Variants in CSMD1 observed in about 807,000 individuals in gnomAD.
CSMD1 encodes the protein CUB and Sushi multiple domains 1, also known as CUB and sushi domain-containing protein 1.
Under a neutral mutation model 417.5 loss-of-function variants are expected in CSMD1, and 213 were observed. That is an observed-to-expected ratio of 0.51 (90% CI 0.46 to 0.57). The LOEUF is 0.57. CSMD1 is among the 20% of genes least tolerant of loss of function. CSMD1 has a pLI of 0.00. For synonymous variants in CSMD1, 2,862 were observed against 1,736.8 expected (o/e 1.65, Z -16.11); for missense variants, 6,923 against 4,529.7 (o/e 1.53, Z -15.17).
chr8:4,049,975 C>A (rs188962053), intron 3 of CSMD1, among the ~76,000 whole-genome samples: 23 of 152,312 alleles, frequency 1.5e-4, no homozygotes, highest in Admixed American at 1.2e-3. Context: ...CTGGCTGGGG[C>A]AGCTTCTCGG....
intron 3 of CSMD1, among the ~76,000 whole-genome samples, chr8:4,086,375 A>G (rs886163831): frequency 2.0e-5 from 3 of 152,218 alleles, no homozygotes; most frequent in African/African-American, 7.2e-5. Context: ...TTTGAAAGCA[A>G]AACAAAATTC....
intron 3 of CSMD1, among the ~76,000 whole-genome samples, chr8:4,181,783 G>C (rs767286677): frequency 5.3e-5 from 8 of 152,036 alleles, no homozygotes; most frequent in African/African-American, 1.4e-4. Context: ...ACGTATTAAC[G>C]ATTTAGGTGA....
chr8:3,922,782 G>A (rs1809366852), intron 5 of CSMD1, among the ~76,000 whole-genome samples: 1 of 151,880 alleles, frequency 6.6e-6, no homozygotes, highest in Non-Finnish European at 1.5e-5. Flanking sequence ...ACATTTGTCT[G>A]TACTTTTAAA....
At chr8:4,245,630 C>T (rs1040117010) in intron 3 of CSMD1, among the ~76,000 whole-genome samples, 2 of 152,108 alleles carry the variant, frequency 1.3e-5, no homozygotes, top group African/African-American at 4.8e-5. Flanking sequence ...CATAATCAAA[C>T]CAAGGAAATC....
chr8:3,318,123 T>C (rs965482858), intron 23 of CSMD1, among the ~76,000 whole-genome samples: 1 of 152,236 alleles, frequency 6.6e-6, no homozygotes, highest in Non-Finnish European at 1.5e-5. Context: ...TTATTTTTAA[T>C]TATGATTTCT....
At chr8:4,245,450 A>C (rs556547723) in intron 3 of CSMD1, among the ~76,000 whole-genome samples, 1 of 152,250 alleles carries the variant, frequency 6.6e-6, no homozygotes, top group African/African-American at 2.4e-5. Context: ...TGCTCAACAC[A>C]ATCACGAGAC....
intron 1 of CSMD1, among the ~76,000 whole-genome samples, chr8:4,884,485 T>G (rs1252135910): frequency 6.6e-6 from 1 of 152,042 alleles, no homozygotes; most frequent in East Asian, 1.9e-4. Flanking sequence ...ATGCCTGTGT[T>G]TTCTTTGTAA....
At chr8:3,866,928 C>A (rs1036205531) in intron 5 of CSMD1, among the ~76,000 whole-genome samples, 2 of 152,290 alleles carry the variant, frequency 1.3e-5, no homozygotes, top group South Asian at 2.1e-4. Context: ...TGGACATATG[C>A]ATGTATGGAT....
At chr8:3,177,112 G>C (rs938470528) in intron 37 of CSMD1, among the ~76,000 whole-genome samples, 1 of 152,144 alleles carries the variant, frequency 6.6e-6, no homozygotes, top group African/African-American at 2.4e-5. Flanking sequence ...AACTCCCCCA[G>C]AAGAGACGAG....
chr8:3,992,748 T>C (rs1258888108), intron 5 of CSMD1, among the ~76,000 whole-genome samples: 3 of 152,202 alleles, frequency 2.0e-5, no homozygotes, highest in African/African-American at 7.2e-5. Flanking sequence ...ACCACTGTAC[T>C]CCACACTGGG....
In CSMD1 at chr8:3,207,287, CT is replaced by C. The variant is rs1248376840; in HGVS notation, c.4868-1668del. 3.2e-3 allele frequency among the ~76,000 whole-genome samples: 478 copies of C among 150,178 alleles called. 5 individuals carry two copies. Among genetic ancestry groups the C allele is most frequent in the African/African-American group, 0.011 (446 of 40,942 alleles). On this transcript the variant is annotated intron_variant, in intron 30 of 69. Coordinates refer to ENST00000635120, the MANE Select transcript of CSMD1 (RefSeq NM_033225.6). ...TCAGCCTCCCGAGTAGCTGCAATTA[CT>C]CGGCGCCCGCCAACACACCTGGCTG...
intron 3 of CSMD1, among the ~76,000 whole-genome samples, chr8:4,259,742 T>C (rs1585114819): frequency 6.6e-6 from 1 of 152,072 alleles, no homozygotes; most frequent in South Asian, 2.1e-4. Context: ...CACATACACA[T>C]GTATTTCATA....
At chr8:2,960,951 T>G (rs966008736) in intron 62 of CSMD1, among the ~76,000 whole-genome samples, 190 bp downstream of exon 62, 1 of 99,506 alleles carries the variant, frequency 1.0e-5, no homozygotes, top group African/African-American at 6.1e-5. Context: ...TATATATATA[T>G]ATATATATAT....
At chr8:4,799,771 T>G (rs1443773452) in intron 1 of CSMD1, among the ~76,000 whole-genome samples, 1 of 151,976 alleles carries the variant, frequency 6.6e-6, no homozygotes, top group Non-Finnish European at 1.5e-5. Flanking sequence ...AAATTTTACG[T>G]ATAGGAATGT....
intron 5 of CSMD1, among the ~76,000 whole-genome samples, chr8:3,775,367 A>G (rs988822085): frequency 6.6e-6 from 1 of 152,184 alleles, no homozygotes; most frequent in African/African-American, 2.4e-5. Context: ...TCTAGCAGAC[A>G]CAGCATAGCA....
chr8:4,852,113 T>C (rs1306612736), intron 1 of CSMD1, among the ~76,000 whole-genome samples: 4 of 152,232 alleles, frequency 2.6e-5, no homozygotes, highest in Non-Finnish European at 5.9e-5. Context: ...GTGAAACTGC[T>C]ATTTTCTCCC....
chr8:3,145,237 C>T (rs149176957), intron 40 of CSMD1, among the ~76,000 whole-genome samples: 14 of 152,222 alleles, frequency 9.2e-5, no homozygotes, highest in African/African-American at 3.4e-4. Context: ...GGCACTTCTA[C>T]GTATGTCCAG....
chr8:3,218,523 A>G lies in CSMD1; in HGVS notation c.4672+732T>C, dbSNP rs935694423. Among the ~76,000 whole-genome samples the G allele has an allele frequency of 2.1e-5, 3 of 145,550 alleles. No individual in the cohort carries two copies. In the Admixed American group the frequency reaches 2.1e-4, roughly 10 times the overall value. ...TTGCAGTGAGCTGAGATCACACTGC[A>G]GCACTCCAGCCTGCATGATAGAGCA... is the stretch of plus-strand genomic sequence containing the variant. On this transcript the variant is annotated intron_variant, in intron 29 of 69. Coordinates refer to ENST00000635120, the MANE Select transcript of CSMD1 (RefSeq NM_033225.6).
At chr8:3,034,484 T>C (rs1436120655) in intron 50 of CSMD1, among the ~76,000 whole-genome samples, 3 of 152,174 alleles carry the variant, frequency 2.0e-5, no homozygotes, top group African/African-American at 7.2e-5. Context: ...AAATCTTCTG[T>C]CTTGAGGTAC....
Sources: gnomAD v4.1 joint callset for allele counts (sites outside exome capture counted in the v4.1 genomes callset) on GRCh38, gnomAD v4.1.1 for gene constraint, MANE v1.5 for transcripts, NCBI Gene and HGNC (gene_info 2026-07-23, HGNC 2026-07-21) for gene names.